Variants in DYSF observed in about 807,000 individuals in gnomAD.
DYSF encodes the protein dysferlin, also known as dystrophy-associated fer-1-like 1.
In DYSF, 212 loss-of-function variants were observed where a neutral mutation model predicts 274.9. The observed-to-expected ratio is 0.77, with a 90% confidence interval of 0.69 to 0.86. The LOEUF (loss-of-function observed/expected upper bound fraction) is 0.86. Ranked by LOEUF, DYSF falls within the 40% of genes least tolerant of loss-of-function variation. The probability of loss-of-function intolerance (pLI) is 0.00; values close to 1 mark genes in which losing one functional copy is unlikely to be tolerated. For missense variants in DYSF, 2,666 were observed against 2,783.2 expected (o/e 0.96, Z 0.95); for synonymous variants, 1,091 against 1,078.7 (o/e 1.01, Z -0.22).
Position 71,600,845 on chromosome 2 carries a change from G to A in DYSF, c.3897+3G>A. On this transcript the variant is annotated splice_donor_region_variant and intron_variant, in intron 34 of 55. Transcript: ENST00000410020. ...TTGAGCTCATCCAGAGAGAGAAGGT[G>A]AGGCTGGTCTATATCCAGATCCAGG... The A allele has an allele frequency of 1.2e-6, 2 of 1,609,758 alleles. No homozygotes were observed. The highest frequency in any genetic ancestry group is 1.7e-6 in the Non-Finnish European group (2 of 1,179,966).
exon 1 of DYSF, chr2:71,453,981 G>A (rs2080942121): frequency 6.2e-7 from 1 of 1,613,816 alleles, no homozygotes; most frequent in African/African-American, 1.3e-5. Flanking sequence ...GGCGCACGGG[G>A]CCCTACACGC....
At chr2:71,574,463 C>T in intron 30 of DYSF, 92 bp downstream of exon 30, 2 of 1,483,744 alleles carry the variant, frequency 1.3e-6, no homozygotes, top group Non-Finnish European at 1.8e-6. Flanking sequence ...ACAGGGACCC[C>T]AGGTTAGGAC....
intron 30 of DYSF, among the ~76,000 whole-genome samples, chr2:71,575,602 G>T (rs973419333): frequency 2.0e-5 from 3 of 152,116 alleles, no homozygotes; most frequent in Non-Finnish European, 1.5e-5. Flanking sequence ...AAAGGGCCTG[G>T]CCTGAGCACT....
At chr2:71,601,063 C>A (rs964364195) in intron 34 of DYSF, among the ~76,000 whole-genome samples, 2 of 152,214 alleles carry the variant, frequency 1.3e-5, no homozygotes, top group Admixed American at 1.3e-4. Context: ...TGGGTCATCT[C>A]CTGACGTGGT....
At chr2:71,546,597 GAGGTAAC>G (rs1573899291) in intron 17 of DYSF, among the ~76,000 whole-genome samples, 1 of 152,220 alleles carries the variant, frequency 6.6e-6, no homozygotes, top group African/African-American at 2.4e-5. Flanking sequence ...GGTCTTTTGA[GAGGTAAC>G]AGGCACGTGA....
rs559872851 is a variant in DYSF at position 71,676,729 on chromosome 2, C to T, written c.5885-2328C>T. On this transcript the variant is annotated intron_variant, in intron 52 of 55. Coordinates refer to ENST00000410020, the MANE Select transcript of DYSF (RefSeq NM_001130987.2). Reference sequence around the variant, plus strand: ...TTGTTTTAAAAAATAAAACCATTAACGAATACTAGCTTTTATATCCATGAA... The same window carrying T: ...TTGTTTTAAAAAATAAAACCATTAATGAATACTAGCTTTTATATCCATGAA... Among the ~76,000 whole-genome samples the T allele has an allele frequency of 5.9e-5, 9 of 152,022 alleles. 1 individual carries two copies. Among genetic ancestry groups the T allele is most frequent in the South Asian group, 4.1e-4 (2 of 4,830 alleles).
At chr2:71,523,255 A>G (rs1017273067) in intron 12 of DYSF, among the ~76,000 whole-genome samples, 1 of 152,194 alleles carries the variant, frequency 6.6e-6, no homozygotes, top group African/African-American at 2.4e-5. Flanking sequence ...AGGACAATGG[A>G]GGCCACATCT....
rs149408006 is a variant in DYSF at position 71,665,203 on chromosome 2, A to T, written c.5216A>T (p.Gln1739Leu). Reference protein sequence around the residue: ...NQWRDQLRPSQLLHLFCQQHR... With the variant: ...NQWRDQLRPSLLLHLFCQQHR... ...TGGCGGGACCAGCTCCGCCCCTCCC[A>T]GCTCCTCCACCTCTTCTGCCAGCAG... is the stretch of plus-strand genomic sequence containing the variant. Residue 1739 changes from glutamine to leucine, a missense_variant, in exon 47 of 56, where the codon CAG becomes CTG. This residue lies in a region of DYSF where 1,460 missense variants were observed against 1,502.1 expected (regional missense o/e 0.97). Coordinates refer to ENST00000410020, the MANE Select transcript of DYSF (RefSeq NM_001130987.2). The T allele has an allele frequency of 6.5e-5, 105 of 1,611,460 alleles. No individual in the cohort carries two copies. In the African/African-American group the frequency reaches 1.3e-3, roughly 20 times the overall value.
intron 27 of DYSF, 108 bp downstream of exon 27, chr2:71,570,042 G>A (rs529619585): frequency 4.5e-5 from 53 of 1,173,874 alleles, no homozygotes; most frequent in Middle Eastern, 1.9e-4. Context: ...TCTTACCTCC[G>A]GAGACTTCAT....
chr2:71,531,522 A>C (rs1161746634), intron 14 of DYSF, among the ~76,000 whole-genome samples: 1 of 151,766 alleles, frequency 6.6e-6, no homozygotes, highest in Admixed American at 6.6e-5. Context: ...ATCAAAGGAC[A>C]TGTATTTACT....
chr2:71,463,023 G>A (rs1331800868), upstream of DYSF, among the ~76,000 whole-genome samples: 1 of 152,238 alleles, frequency 6.6e-6, no homozygotes. Context: ...CTGGCTTGTA[G>A]GTGGGGTTTC....
chr2:71,590,223 A>G lies in DYSF; in HGVS notation c.3509A>G (p.Tyr1170Cys). ...TCCCTTGGTGAAGATGGGAACCGCT[A>G]CCATCTACGCTGCTACATGTACCAG... is the stretch of plus-strand genomic sequence containing the variant. ...ISCIFDYGNR[Y>C]HLRCYMYQAR... The change falls in exon 32 of 56, where the codon TAC becomes TGC. Residue 1170 changes from tyrosine to cysteine, a missense_variant. Coordinates refer to ENST00000410020, the MANE Select transcript of DYSF (RefSeq NM_001130987.2). The G allele has an allele frequency of 1.2e-6, 2 of 1,613,980 alleles. No homozygotes were observed. Among genetic ancestry groups the G allele is most frequent in the Non-Finnish European group, 1.7e-6 (2 of 1,179,980 alleles).
At chr2:71,609,193 C>T (rs1214939239) in intron 36 of DYSF, among the ~76,000 whole-genome samples, 1 of 152,160 alleles carries the variant, frequency 6.6e-6, no homozygotes, top group Non-Finnish European at 1.5e-5. Context: ...CCAAGGGCAC[C>T]TTTCATGTGG....
chr2:71,648,984 G>A (rs999011797), intron 42 of DYSF, among the ~76,000 whole-genome samples: 4 of 152,050 alleles, frequency 2.6e-5, no homozygotes, highest in Non-Finnish European at 5.9e-5. Context: ...CAATGAGCCT[G>A]TCTTGAAGGA....
intron 35 of DYSF, 30 bp downstream of exon 35, chr2:71,601,558 A>G: frequency 6.2e-7 from 1 of 1,613,962 alleles, no homozygotes; most frequent in Non-Finnish European, 8.5e-7. Context: ...TTCCTTCTTC[A>G]AACTGATTGC....
rs1322069980 is a variant in DYSF, at chr2:71,681,121, A to G, written c.6173+11A>G. ...GCTTGAGGACCCAAGGTCAGTGCCCAGCCCCTGAGCCCCAATGCCCACAGG... is the reference window on the plus strand; with the variant it reads ...GCTTGAGGACCCAAGGTCAGTGCCCGGCCCCTGAGCCCCAATGCCCACAGG... On this transcript the variant is annotated intron_variant, in intron 54 of 55. Coordinates refer to ENST00000410020, the MANE Select transcript of DYSF (RefSeq NM_001130987.2). 6.2e-7 allele frequency: 1 copy of G among 1,611,690 alleles called. No individual in the cohort carries two copies. Among genetic ancestry groups the G allele is most frequent in the East Asian group, 2.2e-5 (1 of 44,878 alleles).
intron 30 of DYSF, among the ~76,000 whole-genome samples, chr2:71,584,669 C>T (rs531288550): frequency 6.6e-6 from 1 of 152,158 alleles, no homozygotes; most frequent in Admixed American, 6.5e-5. Context: ...ACTACATGCT[C>T]GATGTTGGAC....
At chr2:71,499,685 T>C (rs1445581083) in intron 3 of DYSF, among the ~76,000 whole-genome samples, 1 of 152,212 alleles carries the variant, frequency 6.6e-6, no homozygotes, top group Non-Finnish European at 1.5e-5. Context: ...TGGCCTCTCC[T>C]TCCCTTGCCC....
chr2:71,677,037 G>A (rs1339274394), intron 52 of DYSF, among the ~76,000 whole-genome samples: 2 of 152,130 alleles, frequency 1.3e-5, no homozygotes, highest in African/African-American at 2.4e-5. Context: ...TGGAGGGATG[G>A]AGAAATATAT....
Sources: gnomAD v4.1 joint callset for allele counts (sites outside exome capture counted in the v4.1 genomes callset) on GRCh38, gnomAD v4.1.1 for gene constraint, gnomAD v4.1.1 regional missense constraint, MANE v1.5 for transcripts, NCBI Gene and HGNC (gene_info 2026-07-23, HGNC 2026-07-21) for gene names.